TSPAN7: variants seen among roughly 807,000 people sequenced by gnomAD.
TSPAN7 encodes tetraspanin 7, also known as tetraspanin-7.
TSPAN7 carries 1 observed loss-of-function variant against 17.6 expected under a neutral mutation model. That is an observed-to-expected ratio of 0.06 (90% CI 0.02 to 0.27). TSPAN7 has a LOEUF of 0.27. Ranked by LOEUF, TSPAN7 falls within the 10% of genes least tolerant of loss-of-function variation. TSPAN7 has a pLI of 1.00. For synonymous variants in TSPAN7, 78 were observed against 79.0 expected, an observed-to-expected ratio of 0.99 and a Z score of 0.07; for missense variants, 112 against 201.7, an observed-to-expected ratio of 0.56 and a Z score of 2.69.
intron 6 of TSPAN7, among the ~76,000 whole-genome samples, chrX:38,685,119 CT>C (rs2069919245): frequency 9.0e-6 from 1 of 111,366 alleles, no homozygotes; most frequent in South Asian, 3.8e-4. Flanking sequence ...TCATTCTTTT[CT>C]TTTGGGGGGC....
At chrX:38,567,227 G>A (rs1461078524) in intron 1 of TSPAN7, among the ~76,000 whole-genome samples, 1 of 112,054 alleles carries the variant, frequency 8.9e-6, no homozygotes, top group Non-Finnish European at 1.9e-5. Context: ...TGCTAATAAA[G>A]ACATACATGA....
chrX:38,682,117 A>T (rs1206150017), intron 6 of TSPAN7, among the ~76,000 whole-genome samples: 1 of 112,549 alleles, frequency 8.9e-6, no homozygotes, highest in Non-Finnish European at 1.9e-5. Flanking sequence ...TCAGACCAAC[A>T]GATCATGTTT....
intron 1 of TSPAN7, among the ~76,000 whole-genome samples, chrX:38,580,075 G>A (rs758142109): frequency 8.9e-6 from 1 of 112,405 alleles, no homozygotes; most frequent in Admixed American, 9.4e-5. Flanking sequence ...CCTGGCTTTA[G>A]TTTAGAGGCT....
Position 38,565,899 on chromosome X carries a change from G to A in TSPAN7, c.81+4272G>A, listed in dbSNP as rs140914017. On this transcript the variant is annotated intron_variant, in intron 1 of 7. Transcript: ENST00000378482. ...GAGACATTTTTGGCCATAGCTGGAGGGGAGGATGATACTGGCCTTTCGTGG... is the reference window on the plus strand; with the variant it reads ...GAGACATTTTTGGCCATAGCTGGAGAGGAGGATGATACTGGCCTTTCGTGG... 2.4e-3 allele frequency among the ~76,000 whole-genome samples: 266 copies of A among 111,542 alleles called. 1 individual carries two copies. Among genetic ancestry groups the A allele is most frequent in the Non-Finnish European group, 2.4e-3 (125 of 53,092 alleles).
chrX:38,597,503 A>T (rs2069324351), intron 1 of TSPAN7, among the ~76,000 whole-genome samples: 2 of 111,227 alleles, frequency 1.8e-5, no homozygotes, highest in South Asian at 7.4e-4. Context: ...TTTGGGTATG[A>T]GTTAGAGCAG....
chrX:38,594,440 C>G (rs953415489), intron 1 of TSPAN7, among the ~76,000 whole-genome samples: 1 of 111,473 alleles, frequency 9.0e-6, no homozygotes. Context: ...CAATGCTTCT[C>G]AGAGTCAGGG....
intron 1 of TSPAN7, among the ~76,000 whole-genome samples, chrX:38,659,026 ACACACACACACACC>A (rs1406613715): frequency 1.2e-4 from 9 of 72,312 alleles, no homozygotes; most frequent in South Asian, 6.7e-4. Flanking sequence ...ACACACACAC[ACACACACACACACC>A]CACAGACGTA....
In TSPAN7 at chrX:38,565,074, T is replaced by A. The variant is rs967556461; in HGVS notation, c.81+3447T>A. On this transcript the variant is annotated intron_variant, in intron 1 of 7. Transcript: ENST00000378482. ...CAAATATTTACCTGTTAAATGTTTATAAGAATTATCTCTCAGTTCAGTAAA... is the reference window on the plus strand; with the variant it reads ...CAAATATTTACCTGTTAAATGTTTAAAAGAATTATCTCTCAGTTCAGTAAA... Among the ~76,000 whole-genome samples, 6 of 112,378 alleles carry A rather than the reference T, an allele frequency of 5.3e-5. No individual in the cohort carries two copies. In the Admixed American group the frequency reaches 5.6e-4, roughly 11 times the overall value.
chrX:38,652,493 G>A (rs2069680757), intron 1 of TSPAN7, among the ~76,000 whole-genome samples: 1 of 112,203 alleles, frequency 8.9e-6, no homozygotes, highest in African/African-American at 3.2e-5. Context: ...GTTCTTCCTT[G>A]TAATGAGCCA....
chrX:38,680,739 A>C (rs1193879411), intron 5 of TSPAN7, among the ~76,000 whole-genome samples: 1 of 111,437 alleles, frequency 9.0e-6, no homozygotes, highest in Non-Finnish European at 1.9e-5. Flanking sequence ...TTCATCATTC[A>C]TTGTCAAAAT....
chrX:38,589,323 T>G (rs1398523086), intron 1 of TSPAN7, among the ~76,000 whole-genome samples: 1 of 112,099 alleles, frequency 8.9e-6, no homozygotes, highest in Non-Finnish European at 1.9e-5. Context: ...TGGCCATGTA[T>G]TTTTTCATCC....
At chrX:38,659,823 C>CT (rs748922281) in intron 1 of TSPAN7, among the ~76,000 whole-genome samples, 230 of 61,559 alleles carry the variant, frequency 3.7e-3, no homozygotes, top group African/African-American at 6.3e-3. Flanking sequence ...TTTTCTTTTT[C>CT]TTTTTTTTTT....
At chrX:38,675,538 A>G (rs2069847730) in intron 4 of TSPAN7, among the ~76,000 whole-genome samples, 167 bp from the exon 5 acceptor site, 1 of 112,083 alleles carries the variant, frequency 8.9e-6, no homozygotes, top group Non-Finnish European at 1.9e-5. Flanking sequence ...AAGCATCAAT[A>G]TGGGTATAAT....
At chrX:38,643,122 A>G (rs763670484) in intron 1 of TSPAN7, among the ~76,000 whole-genome samples, 1 of 110,856 alleles carries the variant, frequency 9.0e-6, no homozygotes, top group Non-Finnish European at 1.9e-5. Context: ...AGGGGGCTGC[A>G]GCTTGTTGGG....
intron 1 of TSPAN7, chrX:38,646,203 A>G: frequency 9.7e-7 from 1 of 1,034,792 alleles, no homozygotes; most frequent in Non-Finnish European, 1.3e-6. Flanking sequence ...GGCAAAAAGT[A>G]TAGATCCAAT....
intron 5 of TSPAN7, 49 bp from the exon 6 acceptor site, chrX:38,681,155 T>C: frequency 9.2e-7 from 1 of 1,083,772 alleles, no homozygotes; most frequent in South Asian, 1.8e-5. Flanking sequence ...ATAGCCCAGC[T>C]TGGCCTGAGT....
intron 3 of TSPAN7, among the ~76,000 whole-genome samples, chrX:38,672,321 AT>A (rs943143286): frequency 1.6e-4 from 17 of 108,889 alleles, no homozygotes; most frequent in East Asian, 2.9e-4. Context: ...TTTTTTTTTA[AT>A]TTTTTTAAAA....
intron 1 of TSPAN7, among the ~76,000 whole-genome samples, chrX:38,637,633 T>A (rs1215093340): frequency 1.8e-5 from 2 of 112,279 alleles, no homozygotes; most frequent in African/African-American, 6.5e-5. Flanking sequence ...AATCTTCCCA[T>A]GTGCCACATG....
At chrX:38,647,598 A>G (rs1444382223) in intron 1 of TSPAN7, among the ~76,000 whole-genome samples, 1 of 112,572 alleles carries the variant, frequency 8.9e-6, no homozygotes, top group Non-Finnish European at 1.9e-5. Context: ...AATTGTTTGC[A>G]TGCTATTAAG....
Sources: allele counts gnomAD v4.1 joint callset (sites outside exome capture counted in the v4.1 genomes callset), GRCh38; gene constraint gnomAD v4.1.1; transcripts MANE v1.5; gene names NCBI Gene and HGNC (gene_info 2026-07-23, HGNC 2026-07-21).